Variants in KHDRBS3 observed in about 807,000 individuals in gnomAD.
KHDRBS3 encodes KH RNA binding domain containing, signal transduction associated 3.
KHDRBS3 carries 23 observed loss-of-function variants against 45.6 expected under a neutral mutation model. That is an observed-to-expected ratio of 0.50 (90% confidence interval 0.36 to 0.72). The LOEUF (loss-of-function observed/expected upper bound fraction) is 0.72. Ranked by LOEUF, KHDRBS3 falls within the 30% of genes least tolerant of loss-of-function variation. KHDRBS3 has a pLI of 0.00. For synonymous variants in KHDRBS3, 162 were observed against 156.5 expected (o/e 1.04, Z -0.26); for missense variants, 352 against 424.8 (o/e 0.83, Z 1.51).
chr8:135,598,764 CT>C (rs1290293970), intron 6 of KHDRBS3, among the ~76,000 whole-genome samples: 1 of 152,208 alleles, frequency 6.6e-6, no homozygotes, highest in Non-Finnish European at 1.5e-5. Flanking sequence ...TCTGAAAAGA[CT>C]GTTTTCAGTT....
At chr8:135,464,579 A>G (rs1821602051) in intron 1 of KHDRBS3, among the ~76,000 whole-genome samples, 1 of 152,202 alleles carries the variant, frequency 6.6e-6, no homozygotes, top group Admixed American at 6.5e-5. Context: ...CAAAAGAAAA[A>G]AAAGTATTCC....
At chr8:135,620,293 G>A (rs1204705815) in intron 7 of KHDRBS3, among the ~76,000 whole-genome samples, 1 of 152,042 alleles carries the variant, frequency 6.6e-6, no homozygotes, top group Non-Finnish European at 1.5e-5. Flanking sequence ...TAGAGACGGA[G>A]TTTTGCCATG....
chr8:135,650,208 G>A (rs907505392), downstream of KHDRBS3, among the ~76,000 whole-genome samples: 20 of 152,188 alleles, frequency 1.3e-4, no homozygotes, highest in East Asian at 1.4e-3. Context: ...TTCAAATACC[G>A]CAAAACCGAA....
chr8:135,625,604 A>G, intron 7 of KHDRBS3: 3 of 948,266 alleles, frequency 3.2e-6, no homozygotes, highest in Non-Finnish European at 5.2e-6. Context: ...TCTGGCAGCC[A>G]CAGGGTCAGT....
At chr8:135,533,826 C>T (rs1446944659) in intron 2 of KHDRBS3, among the ~76,000 whole-genome samples, 2 of 152,136 alleles carry the variant, frequency 1.3e-5, no homozygotes, top group African/African-American at 4.8e-5. Flanking sequence ...TTAGCCTAGC[C>T]TACCTTAAAT....
intron 1 of KHDRBS3, among the ~76,000 whole-genome samples, chr8:135,496,374 A>G (rs973847148): frequency 6.6e-6 from 1 of 151,812 alleles, no homozygotes; most frequent in African/African-American, 2.4e-5. Flanking sequence ...CTGGGTTTAC[A>G]GGCACATGCC....
At chr8:135,474,532 T>C (rs1822173615) in intron 1 of KHDRBS3, among the ~76,000 whole-genome samples, 1 of 152,194 alleles carries the variant, frequency 6.6e-6, no homozygotes, top group African/African-American at 2.4e-5. Flanking sequence ...AATGAGCCAG[T>C]TTATATTGTT....
At chr8:135,463,882 G>A (rs1017375809) in intron 1 of KHDRBS3, among the ~76,000 whole-genome samples, 1 of 152,146 alleles carries the variant, frequency 6.6e-6, no homozygotes, top group Non-Finnish European at 1.5e-5. Context: ...GTTCCTTGGC[G>A]TTGGGGATGA....
chr8:135,606,820 A>G (rs1045604962), intron 6 of KHDRBS3, 135 bp from the exon 7 acceptor site: 2 of 561,444 alleles, frequency 3.6e-6, no homozygotes, highest in Admixed American at 3.2e-5. Flanking sequence ...TTTCACTCCT[A>G]TATTTTTCTT....
intron 8 of KHDRBS3, among the ~76,000 whole-genome samples, chr8:135,646,545 TTTC>T (rs1402957770): frequency 6.6e-6 from 1 of 152,242 alleles, no homozygotes; most frequent in African/African-American, 2.4e-5. Context: ...GCTCTCCGGT[TTTC>T]TTCTTTGTCT....
chr8:135,609,208 T>C (rs1829606405), intron 7 of KHDRBS3, among the ~76,000 whole-genome samples: 1 of 152,208 alleles, frequency 6.6e-6, no homozygotes, highest in Non-Finnish European at 1.5e-5. Flanking sequence ...GTAATAATAC[T>C]TAGCTTAAAA....
chr8:135,566,258 A>G (rs1827407345), intron 5 of KHDRBS3, among the ~76,000 whole-genome samples: 1 of 152,230 alleles, frequency 6.6e-6, no homozygotes, highest in African/African-American at 2.4e-5. Context: ...TATTTGAAAA[A>G]TAATACTCCC....
chr8:135,462,237 G>GTTTTTT (rs541659142), intron 1 of KHDRBS3, among the ~76,000 whole-genome samples: 7 of 140,262 alleles, frequency 5.0e-5, no homozygotes, highest in African/African-American at 1.8e-4. Flanking sequence ...TGTGTTATCA[G>GTTTTTT]TTTTTTTTTT....
chr8:135,575,960 C>T (rs1174671344), intron 5 of KHDRBS3, among the ~76,000 whole-genome samples: 1 of 152,162 alleles, frequency 6.6e-6, no homozygotes, highest in Non-Finnish European at 1.5e-5. Flanking sequence ...CCTTAGGCTG[C>T]TCTTGGCTGT....
intron 6 of KHDRBS3, among the ~76,000 whole-genome samples, chr8:135,585,228 C>CA (rs35301059): frequency 0.65 from 62,850 of 96,064 alleles, 19,889 homozygotes; most frequent in East Asian, 0.92. Flanking sequence ...GACTCCGTCT[C>CA]AAAAAAAAAA....
In KHDRBS3 at chr8:135,598,779, A is replaced by G. The variant is rs188698420; in HGVS notation, c.808-8176A>G. Among the ~76,000 whole-genome samples, 11 of 152,288 alleles carry G rather than the reference A, an allele frequency of 7.2e-5. No individual in the cohort carries two copies. In the South Asian group the frequency reaches 2.1e-3, roughly 29 times the overall value. ...TCTGAAAAGACTGTTTTCAGTTAAT[A>G]TTTGTTTTTTAAACTCAAATTATAA... On this transcript the variant is annotated intron_variant, in intron 6 of 8. Transcript: ENST00000355849.
rs537535705 is a variant in KHDRBS3, at chr8:135,585,606, C to G, written c.807+3533C>G. Among the ~76,000 whole-genome samples, 6 of 152,240 alleles carry G rather than the reference C, an allele frequency of 3.9e-5. No homozygotes were observed. The East Asian group carries it at 1.2e-3, about 29-fold the overall frequency. ...TCACAAGATGGTTTTTAAAAATTGT[C>G]TCCTGCAGAGAACCCACCACAGATG... On this transcript the variant is annotated intron_variant, in intron 6 of 8. Transcript: ENST00000355849.
intron 1 of KHDRBS3, among the ~76,000 whole-genome samples, chr8:135,498,798 G>A (rs1433948186): frequency 6.6e-6 from 1 of 152,128 alleles, no homozygotes; most frequent in African/African-American, 2.4e-5. Flanking sequence ...TACGGAGGGT[G>A]CAGAATTAAG....
intron 5 of KHDRBS3, among the ~76,000 whole-genome samples, chr8:135,572,341 A>G (rs1827742129): frequency 6.6e-6 from 1 of 152,204 alleles, no homozygotes. Context: ...TTCCTTATAC[A>G]CTGTCTTATT....
Sources: allele counts gnomAD v4.1 joint callset (sites outside exome capture counted in the v4.1 genomes callset), GRCh38; gene constraint gnomAD v4.1.1; transcripts MANE v1.5; gene names NCBI Gene and HGNC (gene_info 2026-07-23, HGNC 2026-07-21).